The following BCAS3 variants were observed in gnomAD, a reference collection of about 807,000 sequenced individuals.
BCAS3 encodes the protein BCAS4/BCAS3 fusion.
In BCAS3, 53 loss-of-function variants were observed where a neutral mutation model predicts 116.1. That is an observed-to-expected ratio of 0.46 (90% confidence interval 0.37 to 0.57). The LOEUF (loss-of-function observed/expected upper bound fraction) is 0.57, where lower values mean the gene tolerates loss of function less well. Ranked by LOEUF, BCAS3 falls within the 20% of genes least tolerant of loss-of-function variation. BCAS3 has a pLI of 0.00. For missense variants in BCAS3, 917 were observed against 1,165.4 expected, an observed-to-expected ratio of 0.79 and a Z score of 3.10; for synonymous variants, 391 against 408.2, an observed-to-expected ratio of 0.96 and a Z score of 0.51.
chr17:60,738,797 C>G (rs542652674), intron 5 of BCAS3, among the ~76,000 whole-genome samples: 40 of 152,084 alleles, frequency 2.6e-4, no homozygotes, highest in African/African-American at 9.4e-4. Flanking sequence ...GGTCTTCTGC[C>G]CAGGCTGCAG....
At chr17:60,981,875 C>T (rs2062836341) in intron 14 of BCAS3, among the ~76,000 whole-genome samples, 1 of 152,044 alleles carries the variant, frequency 6.6e-6, no homozygotes, top group East Asian at 1.9e-4. Context: ...GATATATTGC[C>T]TCTAGGTAAA....
rs545266265 is a variant in BCAS3, at chr17:60,899,284, A to G, written c.739-3336A>G. Among the ~76,000 whole-genome samples, 7 of 152,132 alleles carry G rather than the reference A, an allele frequency of 4.6e-5. No homozygotes were observed. The East Asian group carries it at 9.7e-4, about 21-fold the overall frequency. On this transcript the variant is annotated intron_variant, in intron 10 of 23. Transcript: ENST00000407086. Reference sequence around the variant, plus strand: ...CCCCCAGTCCCGGTGGCAATGGCATATACCTGTCTCACCCCCATCCCTGGC... The same window carrying G: ...CCCCCAGTCCCGGTGGCAATGGCATGTACCTGTCTCACCCCCATCCCTGGC...
intron 14 of BCAS3, among the ~76,000 whole-genome samples, chr17:60,951,897 G>A (rs1185389877): frequency 6.6e-6 from 1 of 150,650 alleles, no homozygotes; most frequent in African/African-American, 2.4e-5. Context: ...CAGCACCCCT[G>A]AGTAGCTGGG....
At chr17:61,053,708 G>A in intron 19 of BCAS3, among the ~76,000 whole-genome samples, 1 of 152,196 alleles carries the variant, frequency 6.6e-6, no homozygotes, top group East Asian at 1.9e-4. Flanking sequence ...GGTGGAAGGG[G>A]AAGAAAGAAA....
intron 7 of BCAS3, among the ~76,000 whole-genome samples, chr17:60,865,517 A>G (rs1249465058): frequency 6.6e-6 from 1 of 152,200 alleles, no homozygotes; most frequent in Admixed American, 6.5e-5. Context: ...TTAGACTTAC[A>G]TAGAATTATT....
intron 22 of BCAS3, among the ~76,000 whole-genome samples, chr17:61,103,009 C>G (rs1266589000): frequency 6.6e-6 from 1 of 152,116 alleles, no homozygotes; most frequent in African/African-American, 2.4e-5. Flanking sequence ...GTTGTAGATT[C>G]CTGGTTGAAT....
intron 16 of BCAS3, among the ~76,000 whole-genome samples, chr17:61,016,475 G>A (rs569245049): frequency 6.6e-6 from 1 of 152,110 alleles, no homozygotes; most frequent in African/African-American, 2.4e-5. Flanking sequence ...TTACTCACTT[G>A]ATTTATTTGT....
At chr17:60,735,457 T>G (rs1043040526) in intron 5 of BCAS3, among the ~76,000 whole-genome samples, 4 of 152,044 alleles carry the variant, frequency 2.6e-5, no homozygotes, top group Non-Finnish European at 5.9e-5. Flanking sequence ...TTTTATTGTA[T>G]TTTATTTTAT....
Position 61,349,199 on chromosome 17 carries a change from G to A in BCAS3, c.2426-19128G>A, listed in dbSNP as rs1166995100. ...GCCTGAGAATTCATTTGCTCAGTAA[G>A]CATTCCAAGTGCTTCTTCTCATGAG... is the stretch of plus-strand genomic sequence containing the variant. On this transcript the variant is annotated intron_variant, in intron 22 of 23. Coordinates refer to ENST00000407086, the MANE Select transcript of BCAS3 (RefSeq NM_017679.5). This position sits in a 1 kb window ranked among gnomAD's most constrained non-coding sequence, Gnocchi z 4.7. 6.6e-6 allele frequency among the ~76,000 whole-genome samples: 1 copy of A among 152,206 alleles called. No individual in the cohort carries two copies. The highest frequency in any genetic ancestry group is 1.5e-5 in the Non-Finnish European group (1 of 68,040).
chr17:60,685,618 G>A (rs1219054950), intron 3 of BCAS3, among the ~76,000 whole-genome samples: 2 of 152,048 alleles, frequency 1.3e-5, no homozygotes, highest in African/African-American at 2.4e-5. Flanking sequence ...TTTGTTTTGA[G>A]GCTTAAAGGG....
At chr17:61,277,146 C>G (rs1369688189) in intron 22 of BCAS3, among the ~76,000 whole-genome samples, 1 of 151,390 alleles carries the variant, frequency 6.6e-6, no homozygotes, top group African/African-American at 2.4e-5. Flanking sequence ...TGCCTATAGC[C>G]CTAGTAACTC....
At position 61,122,705 on chromosome 17, in the gene BCAS3, C is replaced by T. The variant is rs1227011610; in HGVS notation, c.2425+38141C>T. Among the ~76,000 whole-genome samples, 1 of 151,998 alleles carries T rather than the reference C, an allele frequency of 6.6e-6. No homozygotes were observed. The highest frequency in any genetic ancestry group is 1.5e-5 in the Non-Finnish European group (1 of 67,982). ...TCCTTAAACTCACATGCTGAATTTT[C>T]CCACATAGACAAAAAACAAAACAAA... is the stretch of plus-strand genomic sequence containing the variant. On this transcript the variant is annotated intron_variant, in intron 22 of 23. Transcript: ENST00000407086. This position sits in a 1 kb window ranked among gnomAD's most constrained non-coding sequence, Gnocchi z 4.6.
chr17:61,295,641 A>G (rs1208054922), intron 22 of BCAS3, among the ~76,000 whole-genome samples: 1 of 152,042 alleles, frequency 6.6e-6, no homozygotes, highest in South Asian at 2.1e-4. Context: ...TGGGATGTCC[A>G]TGGTTGCCGT....
chr17:60,980,306 T>C (rs1043007107), intron 14 of BCAS3, among the ~76,000 whole-genome samples: 1 of 152,116 alleles, frequency 6.6e-6, no homozygotes, highest in African/African-American at 2.4e-5. Context: ...CTTATCATCT[T>C]TTTTTATTTT....
chr17:61,341,060 A>G (rs530078111), intron 22 of BCAS3, among the ~76,000 whole-genome samples: 18 of 152,250 alleles, frequency 1.2e-4, no homozygotes, highest in African/African-American at 4.3e-4. Flanking sequence ...CTGTGTGAGT[A>G]TGATCGGGTT....
chr17:60,747,299 A>G lies in BCAS3; in HGVS notation c.403+20A>G. The G allele has an allele frequency of 6.4e-7, 1 of 1,571,374 alleles. No homozygotes were observed. Among genetic ancestry groups the G allele is most frequent in the East Asian group, 2.3e-5 (1 of 44,408 alleles). On this transcript the variant is annotated intron_variant, in intron 6 of 23. Transcript: ENST00000407086. ...AGTTTGGTGAGTGTAGTCCTTAAGA[A>G]AAGAATCTTTCAGAAAAGAGTTTCT... is the stretch of plus-strand genomic sequence containing the variant.
In BCAS3 at chr17:60,702,735, G is replaced by A. The variant is rs545757898; in HGVS notation, c.215-6484G>A. ...CTCCGAAGTAACTGGGACTGTAGGC[G>A]TGTGCCACAGCGCCTGGCTAATTTT... On this transcript the variant is annotated intron_variant, in intron 4 of 23. Coordinates refer to ENST00000407086, the MANE Select transcript of BCAS3 (RefSeq NM_017679.5). 1.2e-4 allele frequency among the ~76,000 whole-genome samples: 19 copies of A among 152,154 alleles called. No homozygotes were observed. In the East Asian group the frequency reaches 3.1e-3, roughly 25 times the overall value.
rs1468930565 is a variant in BCAS3, at chr17:61,220,024, G to T, written c.2425+135460G>T. On this transcript the variant is annotated intron_variant, in intron 22 of 23. Transcript: ENST00000407086. The surrounding 1 kb of genome is among the most constrained non-coding windows in gnomAD (Gnocchi z 4.5). ...AAAACTAAAGTTTTCGGCCGGGCGCGGTGGCTCACGCCTGTAATCCCAGCA... is the reference window on the plus strand; with the variant it reads ...AAAACTAAAGTTTTCGGCCGGGCGCTGTGGCTCACGCCTGTAATCCCAGCA... Among the ~76,000 whole-genome samples the T allele has an allele frequency of 6.6e-6, 1 of 152,120 alleles. No individual in the cohort carries two copies. The highest frequency in any genetic ancestry group is 2.4e-5 in the African/African-American group (1 of 41,420).
In BCAS3 at chr17:61,352,896, G is replaced by A. The variant is rs1048159488; in HGVS notation, c.2426-15431G>A. On this transcript the variant is annotated intron_variant, in intron 22 of 23. Transcript: ENST00000407086. The surrounding 1 kb of genome is among the most constrained non-coding windows in gnomAD (Gnocchi z 4.7). ...CTCGGCTCCTAGGCTGCTAGCGGGAGGTATGAATTTCTCTTGTTTGCTTTA... is the reference window on the plus strand; with the variant it reads ...CTCGGCTCCTAGGCTGCTAGCGGGAAGTATGAATTTCTCTTGTTTGCTTTA... Among the ~76,000 whole-genome samples, 17 of 152,204 alleles carry A rather than the reference G, an allele frequency of 1.1e-4. No homozygotes were observed. Among genetic ancestry groups the A allele is most frequent in the Non-Finnish European group, 2.4e-4 (16 of 68,038 alleles).
Sources: allele counts gnomAD v4.1 joint callset (sites outside exome capture counted in the v4.1 genomes callset), GRCh38; gene constraint gnomAD v4.1.1; non-coding constraint Gnocchi (gnomAD v3.1); transcripts MANE v1.5; gene names NCBI Gene and HGNC (gene_info 2026-07-23, HGNC 2026-07-21).